The following NCOR2 variants were observed in gnomAD, a reference collection of about 807,000 sequenced individuals.
NCOR2 encodes nuclear receptor corepressor 2, also known as CTG repeat protein 26.
In NCOR2, 81 loss-of-function variants were observed where a neutral mutation model predicts 262.9. That is an observed-to-expected ratio of 0.31 (90% CI 0.26 to 0.37). The LOEUF (loss-of-function observed/expected upper bound fraction) is 0.37, where lower values mean the gene tolerates loss of function less well. NCOR2 is among the 10% of genes least tolerant of loss of function. The pLI, the probability that NCOR2 is intolerant of heterozygous loss-of-function variation, is 1.00. For synonymous variants in NCOR2, 1,659 were observed against 1,559.3 expected (o/e 1.06, Z -1.51); for missense variants, 3,385 against 3,621.4 (o/e 0.93, Z 1.68).
At position 124,334,663 on chromosome 12, in the gene NCOR2, C is replaced by T. The variant is rs980396998; in HGVS notation, c.6412-46G>A. ...CCAGAGTCAGGCAGCACTCTCCTGACAGAACCTTCTGGGGGTGGGGAGGGG... is the reference window on the plus strand; with the variant it reads ...CCAGAGTCAGGCAGCACTCTCCTGATAGAACCTTCTGGGGGTGGGGAGGGG... On this transcript the variant is annotated intron_variant, in intron 40 of 46. Coordinates refer to ENST00000405201, the Ensembl canonical transcript of NCOR2. 2.4e-5 allele frequency: 26 copies of T among 1,083,326 alleles called. No homozygotes were observed. In the African/African-American group the frequency reaches 3.9e-4, roughly 16 times the overall value. The allele number at this position is 1,083,326 out of a possible 1,614,324, so 67.1% of individuals were successfully genotyped here. A position where few individuals can be genotyped will look rare whatever the true frequency, so the allele number is the denominator to read the frequency against.
exon 15 of NCOR2, chr12:124,400,573 G>A (rs1261269062): frequency 1.9e-6 from 3 of 1,614,202 alleles, no homozygotes; most frequent in Non-Finnish European, 1.7e-6. Flanking sequence ...CGGGTGATGC[G>A]GCCTTTGCGT....
chr12:124,523,399 G>A lies in NCOR2; in HGVS notation c.-118+12166C>T, dbSNP rs1170527293. On this transcript the variant is annotated intron_variant, in intron 1 of 46. Transcript: ENST00000404621. This position sits in a 1 kb window ranked among gnomAD's most constrained non-coding sequence, Gnocchi z 4.0. ...GTGGCAGGGGCAGCGGCAGAGGAAA[G>A]AGGAGTGCCCAGGAATGCTCCACGC... Among the ~76,000 whole-genome samples, 1 of 152,162 alleles carries A rather than the reference G, an allele frequency of 6.6e-6. No homozygotes were observed. The highest frequency in any genetic ancestry group is 2.4e-5 in the African/African-American group (1 of 41,430).
chr12:124,342,183 C>T, intron 33 of NCOR2, 109 bp from the exon 36 acceptor site: 1 of 1,326,622 alleles, frequency 7.5e-7, no homozygotes. Flanking sequence ...CTTCTCCCAC[C>T]TACATGTGTG....
In NCOR2 at chr12:124,422,426, G is replaced by A. The variant is rs536059115; in HGVS notation, c.1383+75C>T. 3 of 1,569,244 alleles carry A rather than the reference G, an allele frequency of 1.9e-6. No homozygotes were observed. The East Asian group carries it at 6.8e-5, about 35-fold the overall frequency. Reference sequence around the variant, plus strand: ...CCAGGGCCTTGTGGGCAAGGAGGGAGGGCCTCCACCCTGAGTCCACGCAGT... The same window carrying A: ...CCAGGGCCTTGTGGGCAAGGAGGGAAGGCCTCCACCCTGAGTCCACGCAGT... On this transcript the variant is annotated intron_variant, in intron 12 of 46. Transcript: ENST00000405201.
Position 124,340,585 on chromosome 12 carries a change from C to A in NCOR2, c.5338+17G>T, listed in dbSNP as rs770494562. The A allele has an allele frequency of 2.6e-6, 4 of 1,509,524 alleles. No homozygotes were observed. Among genetic ancestry groups the A allele is most frequent in the Admixed American group, 2.1e-5 (1 of 46,604 alleles). The allele number at this position is 1,509,524 out of a possible 1,614,324, so 93.5% of individuals were successfully genotyped here. ...TGGATGCCGGGGTCCCCACCCCAGA[C>A]TGGGCAGTGGCGCTACCTGGGGAGA... is the stretch of plus-strand genomic sequence containing the variant. On this transcript the variant is annotated intron_variant, in intron 35 of 46. Transcript: ENST00000405201.
chr12:124,403,185 T>C (rs1367784565), intron 13 of NCOR2, among the ~76,000 whole-genome samples: 3 of 151,672 alleles, frequency 2.0e-5, no homozygotes, highest in Non-Finnish European at 4.4e-5. Context: ...AACGGGGAGG[T>C]GGGGGGATGC....
intron 6 of NCOR2, among the ~76,000 whole-genome samples, chr12:124,450,622 A>G (rs987305898): frequency 1.3e-5 from 2 of 152,206 alleles, no homozygotes; most frequent in Admixed American, 6.5e-5. Flanking sequence ...GCAGTGAGAA[A>G]GGGAGGCAGG....
intron 4 of NCOR2, among the ~76,000 whole-genome samples, chr12:124,466,579 C>G (rs1304817070): frequency 6.6e-6 from 1 of 152,130 alleles, no homozygotes; most frequent in Non-Finnish European, 1.5e-5. Flanking sequence ...CCTCAGTTGC[C>G]CCATCAGTAA....
chr12:124,388,243 G>C (rs547382074), intron 16 of NCOR2, among the ~76,000 whole-genome samples: 1 of 152,318 alleles, frequency 6.6e-6, no homozygotes, highest in Non-Finnish European at 1.5e-5. Context: ...AGGAGCCAGA[G>C]TGGGTGTCCC....
intron 11 of NCOR2, 103 bp from the exon 14 acceptor site, chr12:124,422,658 G>A (rs910400067): frequency 1.4e-5 from 20 of 1,392,490 alleles, no homozygotes; most frequent in Non-Finnish European, 1.9e-5. Context: ...GGCCGGGCCT[G>A]GCGGGCACCG....
At chr12:124,335,632 C>A (rs2035805944) in exon 39 of NCOR2, 2 of 1,596,750 alleles carry the variant, frequency 1.3e-6, no homozygotes, top group South Asian at 1.1e-5. Flanking sequence ...GCCGTGGTAA[C>A]CTAGGGCAGG....
chr12:124,429,333 AC>A (rs934543704), intron 10 of NCOR2: 6 of 476,748 alleles, frequency 1.3e-5, no homozygotes, highest in African/African-American at 5.9e-5. Context: ...TCGTCCCCCA[AC>A]CCCCTCCCTG....
chr12:124,525,799 A>C (rs935277508), intron 1 of NCOR2, among the ~76,000 whole-genome samples: 1 of 152,202 alleles, frequency 6.6e-6, no homozygotes, highest in Admixed American at 6.5e-5. Flanking sequence ...CTGGGTTCAC[A>C]TCCTAGCTCT....
intron 15 of NCOR2, 34 bp from the exon 18 acceptor site, chr12:124,398,215 C>T (rs1240995201): frequency 2.5e-6 from 4 of 1,612,068 alleles, no homozygotes; most frequent in South Asian, 1.1e-5. Flanking sequence ...TGGCAGGAGC[C>T]GGGAGAGGAG....
intron 15 of NCOR2, 127 bp downstream of exon 17, chr12:124,400,374 C>T: frequency 7.6e-7 from 1 of 1,323,414 alleles, no homozygotes; most frequent in Non-Finnish European, 1.0e-6. Flanking sequence ...GGATTTGACT[C>T]CAACCATGAC....
At chr12:124,484,375 G>A (rs888103466) in intron 2 of NCOR2, among the ~76,000 whole-genome samples, 1 of 152,160 alleles carries the variant, frequency 6.6e-6, no homozygotes, top group Non-Finnish European at 1.5e-5. Context: ...TGGCTCTCCT[G>A]AACCCTCCTC....
At chr12:124,445,566 C>A (rs1593576791) in intron 7 of NCOR2, among the ~76,000 whole-genome samples, 1 of 152,162 alleles carries the variant, frequency 6.6e-6, no homozygotes, top group Admixed American at 6.5e-5. Flanking sequence ...GAGGGAACGA[C>A]CTCCCACCTA....
intron 27 of NCOR2, among the ~76,000 whole-genome samples, chr12:124,351,547 C>T (rs747683791): frequency 5.3e-5 from 8 of 152,110 alleles, no homozygotes; most frequent in Non-Finnish European, 1.0e-4. Flanking sequence ...GAACCACTGC[C>T]ATATAGGGAA....
chr12:124,360,014 C>T (rs1244582925), intron 22 of NCOR2, among the ~76,000 whole-genome samples: 2 of 152,236 alleles, frequency 1.3e-5, no homozygotes, highest in Non-Finnish European at 2.9e-5. Context: ...CCTGGCCACA[C>T]CAACGGGCTG....
Sources: allele counts gnomAD v4.1 joint callset (sites outside exome capture counted in the v4.1 genomes callset), GRCh38; gene constraint gnomAD v4.1.1; non-coding constraint Gnocchi (gnomAD v3.1); transcripts MANE v1.5; gene names NCBI Gene and HGNC (gene_info 2026-07-23, HGNC 2026-07-21).